Variants in DPY19L2 observed in about 807,000 individuals in gnomAD.
The protein encoded by DPY19L2 is dpy-19 like 2, also known as probable C-mannosyltransferase DPY19L2.
Under a neutral mutation model 97.9 loss-of-function variants are expected in DPY19L2, and 34 were observed. The observed-to-expected ratio is 0.35, with a 90% CI of 0.26 to 0.46. The LOEUF is 0.46. Among genes scored for constraint, DPY19L2 ranks in the 20% least tolerant of loss-of-function variants. DPY19L2 has a pLI of 1.00. For missense variants in DPY19L2, 623 were observed against 911.4 expected (o/e 0.68, Z 4.07); for synonymous variants, 230 against 307.9 (o/e 0.75, Z 2.65).
intron 4 of DPY19L2, chr12:63,651,769 C>T: frequency 2.9e-6 from 1 of 339,628 alleles, no homozygotes; most frequent in Non-Finnish European, 5.9e-6. Context: ...AAAGAGCTGG[C>T]TGCCTTTACA....
intron 15 of DPY19L2, among the ~76,000 whole-genome samples, chr12:63,594,619 C>T (rs1303824841): frequency 6.8e-6 from 1 of 148,022 alleles, no homozygotes; most frequent in Non-Finnish European, 1.5e-5. Context: ...GTGTATGAAA[C>T]TTGACTGGCT....
chr12:63,644,310 A>T lies in DPY19L2; in HGVS notation c.803+93T>A, dbSNP rs1415209491. ...CCACAAACTTTCCTGATATGAATCT[A>T]ATCTCATTAATTTTCCTTTTCATTT... On this transcript the variant is annotated intron_variant, in intron 6 of 21. Transcript: ENST00000324472. 5 of 1,481,812 alleles carry T rather than the reference A, an allele frequency of 3.4e-6. No individual in the cohort carries two copies. The East Asian group carries it at 9.4e-5, about 28-fold the overall frequency. The allele number at this position is 1,481,812 out of a possible 1,614,324, so 91.8% of individuals were successfully genotyped here. A position where few individuals can be genotyped will look rare whatever the true frequency, so the allele number is the denominator to read the frequency against.
chr12:63,654,977 C>T (rs1411203818), intron 4 of DPY19L2, among the ~76,000 whole-genome samples: 1 of 151,960 alleles, frequency 6.6e-6, no homozygotes, highest in Non-Finnish European at 1.5e-5. Context: ...CAGAAATTCC[C>T]CCAAAATTGA....
At chr12:63,644,729 C>G (rs1400805647) in intron 5 of DPY19L2, among the ~76,000 whole-genome samples, 1 of 151,902 alleles carries the variant, frequency 6.6e-6, no homozygotes, top group African/African-American at 2.4e-5. Context: ...TATACACATA[C>G]ACGTATGTAA....
At chr12:63,644,796 T>C (rs143606468) in intron 5 of DPY19L2, among the ~76,000 whole-genome samples, 2,104 of 152,222 alleles carry the variant, frequency 0.014, 25 homozygotes, top group Non-Finnish European at 0.021. Flanking sequence ...TTTTTATAAT[T>C]GCATTTATAC....
Position 63,588,201 on chromosome 12 carries a change from T to G in DPY19L2, c.1581-4365A>C, listed in dbSNP as rs551666332. On this transcript the variant is annotated intron_variant, in intron 16 of 21. Transcript: ENST00000324472. ...ATAAGGAATAAAACCAAAAGCTGGT[T>G]TTATGAAAAATCCAAAAAAGAATGA... Among the ~76,000 whole-genome samples, 4 of 152,216 alleles carry G rather than the reference T, an allele frequency of 2.6e-5. No homozygotes were observed. The South Asian group carries it at 8.3e-4, about 32-fold the overall frequency.
At position 63,620,747 on chromosome 12, in the gene DPY19L2, A is replaced by T. The variant is rs1464890650; in HGVS notation, c.1053+491T>A. Among the ~76,000 whole-genome samples the T allele has an allele frequency of 1.6e-4, 25 of 152,210 alleles. 1 individual carries two copies. Among genetic ancestry groups the T allele is most frequent in the Admixed American group, 1.6e-3 (25 of 15,266 alleles). On this transcript the variant is annotated intron_variant, in intron 9 of 21. Transcript: ENST00000324472. ...GAATATAAATCATTCTATTACAAAG[A>T]CACGTGCACCCATGTCTTCATTGCA...
chr12:63,646,242 TC>T (rs1368939831), intron 5 of DPY19L2, among the ~76,000 whole-genome samples: 71 of 152,258 alleles, frequency 4.7e-4, no homozygotes, highest in African/African-American at 1.6e-3. Context: ...CACTAACTTA[TC>T]ACTTATTGGG....
At chr12:63,614,849 A>G (rs944958758) in intron 11 of DPY19L2, among the ~76,000 whole-genome samples, 1 of 152,134 alleles carries the variant, frequency 6.6e-6, no homozygotes, top group Admixed American at 6.5e-5. Context: ...CCCACTAATA[A>G]GGCCTAGAAA....
chr12:63,634,134 A>G (rs1891218620), intron 6 of DPY19L2, among the ~76,000 whole-genome samples: 1 of 152,158 alleles, frequency 6.6e-6, no homozygotes, highest in Admixed American at 6.5e-5. Context: ...TACTGGGTGC[A>G]GCACACCAAC....
At chr12:63,631,859 A>G (rs190062421) in intron 6 of DPY19L2, among the ~76,000 whole-genome samples, 37 of 152,272 alleles carry the variant, frequency 2.4e-4, no homozygotes, top group African/African-American at 8.7e-4. Context: ...CAAAAAGCTT[A>G]TCTACCATGA....
chr12:63,588,254 A>C (rs184275505), intron 16 of DPY19L2, among the ~76,000 whole-genome samples: 1 of 152,312 alleles, frequency 6.6e-6, no homozygotes, highest in African/African-American at 2.4e-5. Flanking sequence ...GCAGCTGGTG[A>C]CTTTCGGTTG....
In DPY19L2 at chr12:63,624,585, A is replaced by G. The variant is rs189349531; in HGVS notation, c.862-454T>C. 2.8e-3 allele frequency among the ~76,000 whole-genome samples: 431 copies of G among 152,302 alleles called. 2 individuals carry two copies. The highest frequency in any genetic ancestry group is 1.0e-2 in the African/African-American group (415 of 41,552). On this transcript the variant is annotated intron_variant, in intron 7 of 21. Transcript: ENST00000324472. ...TTCTACATAACAAGTAGGAATGAATATAAATACACACTTCGAATAGCTAGG... is the reference window on the plus strand; with the variant it reads ...TTCTACATAACAAGTAGGAATGAATGTAAATACACACTTCGAATAGCTAGG...
chr12:63,578,996 C>T (rs1413920103), intron 19 of DPY19L2, among the ~76,000 whole-genome samples: 1 of 151,968 alleles, frequency 6.6e-6, no homozygotes, highest in Non-Finnish European at 1.5e-5. Flanking sequence ...AGCCCAGGGC[C>T]AGGGTCTTCC....
In DPY19L2 at chr12:63,597,856, T is replaced by A; in HGVS notation, c.1414A>T (p.Thr472Ser). 6.2e-7 allele frequency: 1 copy of A among 1,607,586 alleles called. No individual in the cohort carries two copies. Among genetic ancestry groups the A allele is most frequent in the Non-Finnish European group, 8.5e-7 (1 of 1,178,012 alleles). Reference protein sequence around the residue: ...ARILRYTDFDTLIYTCAPEFD... With the variant: ...ARILRYTDFDSLIYTCAPEFD... ...TCGGGAGCACAGGTATATATTAAAG[T>A]ATCAAAATCTGTATACCTTAAGATT... The change falls in exon 14 of 22, where the codon ACT becomes TCT. Residue 472 changes from threonine to serine, a missense_variant. Transcript: ENST00000324472.
chr12:63,622,402 G>T (rs1288114537), intron 8 of DPY19L2, among the ~76,000 whole-genome samples: 1 of 152,122 alleles, frequency 6.6e-6, no homozygotes, highest in Non-Finnish European at 1.5e-5. Context: ...TCTGAATGAG[G>T]AGGAGGTTCC....
chr12:63,654,338 AAAAATAGATAAATC>A (rs1272376591), intron 4 of DPY19L2, among the ~76,000 whole-genome samples: 1 of 152,158 alleles, frequency 6.6e-6, no homozygotes, highest in Non-Finnish European at 1.5e-5. Context: ...GATATATTGA[AAAAATAGATAAATC>A]AAAATATAAC....
intron 1 of DPY19L2, chr12:63,666,467 G>C: frequency 2.3e-6 from 1 of 433,082 alleles, no homozygotes; most frequent in Non-Finnish European, 4.6e-6. Context: ...GACTTCACCT[G>C]GGAGCTAGGA....
At chr12:63,595,831 A>T in intron 15 of DPY19L2, 135 bp downstream of exon 15, 1 of 741,576 alleles carries the variant, frequency 1.3e-6, no homozygotes, top group Non-Finnish European at 2.1e-6. Flanking sequence ...ATCGATGATG[A>T]AAGATCTAAA....
Sources: gnomAD v4.1 joint callset for allele counts (sites outside exome capture counted in the v4.1 genomes callset) on GRCh38, gnomAD v4.1.1 for gene constraint, MANE v1.5 for transcripts, NCBI Gene and HGNC (gene_info 2026-07-23, HGNC 2026-07-21) for gene names.